TNRC18: variants seen among roughly 807,000 people sequenced by gnomAD.
The protein encoded by TNRC18 is trinucleotide repeat-containing gene 18 protein.
Under a neutral mutation model 226.7 loss-of-function variants are expected in TNRC18, and 69 were observed. That is an observed-to-expected ratio of 0.30 (90% CI 0.25 to 0.37). The LOEUF is 0.37. TNRC18 is among the 10% of genes least tolerant of loss of function. The pLI, the probability that TNRC18 is intolerant of heterozygous loss-of-function variation, is 1.00. For synonymous variants in TNRC18, 2,449 were observed against 1,927.6 expected (o/e 1.27, Z -7.09); for missense variants, 4,754 against 4,256.6 (o/e 1.12, Z -3.25).
chr7:5,316,546 T>C (rs1343172751), intron 24 of TNRC18, among the ~76,000 whole-genome samples: 1 of 152,140 alleles, frequency 6.6e-6, no homozygotes, highest in Non-Finnish European at 1.5e-5. Flanking sequence ...CCCAAAGTGC[T>C]GGGATTACAG....
intron 2 of TNRC18, among the ~76,000 whole-genome samples, chr7:5,403,530 A>C (rs1168762054): frequency 6.6e-6 from 1 of 152,184 alleles, no homozygotes; most frequent in East Asian, 1.9e-4. Context: ...GGTGGCTCAC[A>C]CCTGTCAATC....
rs1786589273 is a variant in TNRC18, at chr7:5,307,042, TCTCC to T, written c.*1060_*1063del. ...CCCTGGGCTTGGGCCGGCTCCTGCC[TCTCC>T]CTCTTCTCTCCCTAACAAACACTTC... is the stretch of plus-strand genomic sequence containing the variant. On this transcript the variant is annotated 3_prime_UTR_variant, in exon 30 of 30. Coordinates refer to ENST00000430969, the MANE Select transcript of TNRC18 (RefSeq NM_001080495.3). 1 of 138,332 alleles carries T rather than the reference TCTCC, an allele frequency of 7.2e-6. No individual in the cohort carries two copies. The allele number at this position is 138,332 out of a possible 1,614,324, so 8.6% of individuals were successfully genotyped here. A position where few individuals can be genotyped will look rare whatever the true frequency, so the allele number is the denominator to read the frequency against.
rs530989930 is a variant in TNRC18 at position 5,308,035 on chromosome 7, C to T, written c.*71G>A. Reference sequence around the variant, plus strand: ...ATGCACACAACGCACGTGGTCTCCGCGCCATGGCAGTGATGGAGATGGGTC... The same window carrying T: ...ATGCACACAACGCACGTGGTCTCCGTGCCATGGCAGTGATGGAGATGGGTC... On this transcript the variant is annotated 3_prime_UTR_variant, in exon 30 of 30. Coordinates refer to ENST00000430969, the MANE Select transcript of TNRC18 (RefSeq NM_001080495.3). The T allele has an allele frequency of 5.6e-5, 80 of 1,416,150 alleles. No individual in the cohort carries two copies. Among genetic ancestry groups the T allele is most frequent in the East Asian group, 3.8e-4 (15 of 39,964 alleles). 87.7% of individuals were successfully genotyped at this position (1,416,150 alleles called of 1,614,324 possible).
chr7:5,388,746 A>G lies in TNRC18; in HGVS notation c.1078T>C (p.Phe360Leu). 1 of 1,240,974 alleles carries G rather than the reference A, an allele frequency of 8.1e-7. No individual in the cohort carries two copies. The highest frequency in any genetic ancestry group is 2.4e-5 in the South Asian group (1 of 41,578). 76.9% of individuals were successfully genotyped at this position (1,240,974 alleles called of 1,614,324 possible). ...AATPAGVYTV[F>L]REQGREHRVV... Reference sequence around the variant, plus strand: ...CGGTGCTCACGGCCCTGCTCGCGGAAGACGGTGTAGACGCCGGCGGGGGTG... The same window carrying G: ...CGGTGCTCACGGCCCTGCTCGCGGAGGACGGTGTAGACGCCGGCGGGGGTG... Residue 360 changes from phenylalanine (F) to leucine (L), a missense_variant, in exon 5 of 30, where the codon TTC becomes CTC. Coordinates refer to ENST00000430969, the MANE Select transcript of TNRC18 (RefSeq NM_001080495.3).
intron 24 of TNRC18, among the ~76,000 whole-genome samples, chr7:5,319,938 C>T (rs1384705722): frequency 1.3e-5 from 2 of 152,206 alleles, no homozygotes; most frequent in Admixed American, 6.5e-5. Flanking sequence ...GACCCAGGCC[C>T]GGTCGATCAG....
At chr7:5,321,640 TTTA>T (rs1457600861) in intron 21 of TNRC18, among the ~76,000 whole-genome samples, 2 of 38,986 alleles carry the variant, frequency 5.1e-5, no homozygotes, top group Non-Finnish European at 1.1e-4. Context: ...CTTCTAGGAC[TTTA>T]TTTATTTATT....
At chr7:5,401,941 C>G (rs180686765) in intron 2 of TNRC18, among the ~76,000 whole-genome samples, 1 of 151,766 alleles carries the variant, frequency 6.6e-6, no homozygotes, top group Non-Finnish European at 1.5e-5. Context: ...TTTGGGAGGC[C>G]GAGGCGGGCA....
intron 24 of TNRC18, among the ~76,000 whole-genome samples, chr7:5,319,089 T>C (rs1788102688): frequency 6.6e-6 from 1 of 152,170 alleles, no homozygotes; most frequent in Admixed American, 6.5e-5. Context: ...CACCTCCCAG[T>C]ACAGGGGGAC....
chr7:5,340,399 A>G (rs1253396874), intron 18 of TNRC18, among the ~76,000 whole-genome samples: 1 of 152,204 alleles, frequency 6.6e-6, no homozygotes, highest in Non-Finnish European at 1.5e-5. Context: ...AAGCTGCAAA[A>G]GAAAAGTTTG....
intron 2 of TNRC18, among the ~76,000 whole-genome samples, chr7:5,404,794 A>T (rs906114579): frequency 9.2e-6 from 1 of 108,944 alleles, no homozygotes; most frequent in African/African-American, 4.1e-5. Context: ...GTGTGTGTGT[A>T]TAAAATGAAA....
At chr7:5,347,176 T>C (rs1157863744) in intron 17 of TNRC18, among the ~76,000 whole-genome samples, 1 of 146,436 alleles carries the variant, frequency 6.8e-6, no homozygotes, top group Non-Finnish European at 1.5e-5. Context: ...ACCTTGTCTC[T>C]ACAAAAAAAA....
In TNRC18 at chr7:5,388,006, G is replaced by T; in HGVS notation, c.1818C>A (p.Gly606=). The T allele has an allele frequency of 1.3e-6, 2 of 1,582,944 alleles. No individual in the cohort carries two copies. The highest frequency in any genetic ancestry group is 8.6e-7 in the Non-Finnish European group (1 of 1,165,740). The stretch of plus-strand genomic sequence containing the variant: ...CTCCAAAGGGGCTCTTCTTGCCACA[G>T]CCACCAGGGCGCACGGCCACGGCGT... ...ARDAVAVRPG[G]CGKKSPFGGL... The change falls in exon 5 of 30, where the codon GGC becomes GGA. Residue 606 remains glycine (G), a synonymous_variant. Coordinates refer to ENST00000430969, the MANE Select transcript of TNRC18 (RefSeq NM_001080495.3).
intron 18 of TNRC18, among the ~76,000 whole-genome samples, chr7:5,339,537 G>T (rs1790464831): frequency 7.3e-6 from 1 of 136,094 alleles, no homozygotes; most frequent in Non-Finnish European, 1.6e-5. Context: ...ATCGTGCCCA[G>T]CCAATGTGTG....
At chr7:5,360,520 G>A (rs1007072925) in intron 14 of TNRC18, among the ~76,000 whole-genome samples, 1 of 152,114 alleles carries the variant, frequency 6.6e-6, no homozygotes, top group African/African-American at 2.4e-5. Flanking sequence ...GTGAGCCACC[G>A]TGGCCAACCT....
At position 5,394,288 on chromosome 7, in the gene TNRC18, C is replaced by A. The variant is rs993272823; in HGVS notation, c.343+152G>T. On this transcript the variant is annotated intron_variant, in intron 3 of 29. Transcript: ENST00000430969. The surrounding 1 kb of genome is among the most constrained non-coding windows in gnomAD (Gnocchi z 4.5). ...GCCCTGTGACAGTGACAAGAAGAAGCCCTGAGCGTTTGAGAAACAACAGGG... is the reference window on the plus strand; with the variant it reads ...GCCCTGTGACAGTGACAAGAAGAAGACCTGAGCGTTTGAGAAACAACAGGG... Among the ~76,000 whole-genome samples, 19 of 152,142 alleles carry A rather than the reference C, an allele frequency of 1.2e-4. No individual in the cohort carries two copies. The highest frequency in any genetic ancestry group is 4.1e-4 in the African/African-American group (17 of 41,414).
chr7:5,361,618 C>T lies in TNRC18; in HGVS notation c.4637G>A (p.Gly1546Glu). Residue 1546 changes from glycine to glutamate, a missense_variant, in exon 14 of 30, where the codon GGG (glycine) becomes GAG (glutamate). Coordinates refer to ENST00000430969, the MANE Select transcript of TNRC18 (RefSeq NM_001080495.3). ...PSALSPPRKR[G>E]KSGHSSGKLS... ...CTTTCCGCTACTGTGGCCGCTCTTCCCTCTCTTGCGGGGGGGCGACAGGGC... is the reference window on the plus strand; with the variant it reads ...CTTTCCGCTACTGTGGCCGCTCTTCTCTCTCTTGCGGGGGGGCGACAGGGC... The T allele has an allele frequency of 6.5e-7, 1 of 1,543,930 alleles. No individual in the cohort carries two copies. Among genetic ancestry groups the T allele is most frequent in the Non-Finnish European group, 8.7e-7 (1 of 1,145,832 alleles).
Position 5,377,602 on chromosome 7 carries a change from C to G in TNRC18, c.2256-26G>C. 1 of 1,550,666 alleles carries G rather than the reference C, an allele frequency of 6.4e-7. No individual in the cohort carries two copies. On this transcript the variant is annotated intron_variant, in intron 6 of 29. Transcript: ENST00000430969. This position sits in a 1 kb window ranked among gnomAD's most constrained non-coding sequence, Gnocchi z 5.8. ...CTGGAAGGAGGATCATAGGTGTCAG[C>G]GACAGCTCGGACAGCCCAGGGGACG...
At chr7:5,410,739 G>A (rs967298898) in intron 2 of TNRC18, among the ~76,000 whole-genome samples, 1 of 150,982 alleles carries the variant, frequency 6.6e-6, no homozygotes, top group East Asian at 1.9e-4. Flanking sequence ...GGTGGCATAA[G>A]CCTATAATCC....
rs906509577 is a variant in TNRC18, at chr7:5,361,772, G to A, written c.4533-50C>T. On this transcript the variant is annotated intron_variant, in intron 13 of 29. Transcript: ENST00000430969. ...TGTGACGCTGGGGGGCGGGCGGGGCGCGGAGAACGGGCACACGATGCACAC... is the reference window on the plus strand; with the variant it reads ...TGTGACGCTGGGGGGCGGGCGGGGCACGGAGAACGGGCACACGATGCACAC... The A allele has an allele frequency of 1.1e-5, 17 of 1,544,666 alleles. No individual in the cohort carries two copies. In the Admixed American group the frequency reaches 1.2e-4, roughly 11 times the overall value.
Sources: gnomAD v4.1 joint callset for allele counts (sites outside exome capture counted in the v4.1 genomes callset) on GRCh38, gnomAD v4.1.1 for gene constraint, Gnocchi (gnomAD v3.1) non-coding constraint, MANE v1.5 for transcripts, NCBI Gene and HGNC (gene_info 2026-07-23, HGNC 2026-07-21) for gene names.